Variants in NBAS observed in about 807,000 individuals in gnomAD.
NBAS encodes the protein NBAS subunit of NRZ tethering complex.
NBAS carries 219 observed loss-of-function variants against 302.5 expected under a neutral mutation model. The ratio of observed to expected loss-of-function variants is 0.72; its 90% confidence interval spans 0.65 to 0.81. The LOEUF (loss-of-function observed/expected upper bound fraction) is 0.81, where lower values mean the gene tolerates loss of function less well. Among genes scored for constraint, NBAS ranks in the 30% least tolerant of loss-of-function variants. NBAS has a pLI of 0.00. For synonymous variants in NBAS, 1,118 were observed against 1,021.6 expected (o/e 1.09, Z -1.80); for missense variants, 2,932 against 2,841.6 (o/e 1.03, Z -0.72).
At chr2:15,240,631 A>C (rs931712069) in intron 44 of NBAS, among the ~76,000 whole-genome samples, 5 of 151,778 alleles carry the variant, frequency 3.3e-5, no homozygotes, top group African/African-American at 7.3e-5. Flanking sequence ...AACAAACAAA[A>C]AAAATGCTGA....
At chr2:15,323,252 TACTTTCATCATGGTGAGGAG>T (rs1671905411) in intron 38 of NBAS, among the ~76,000 whole-genome samples, 1 of 152,194 alleles carries the variant, frequency 6.6e-6, no homozygotes, top group African/African-American at 2.4e-5. Context: ...AGACACACTG[TACTTTCATCATGGTGAGGAG>T]ACATTCATTG....
chr2:15,460,618 G>T (rs1679462945), intron 21 of NBAS, among the ~76,000 whole-genome samples: 1 of 152,192 alleles, frequency 6.6e-6, no homozygotes, highest in Non-Finnish European at 1.5e-5. Flanking sequence ...CTGGCCTCTG[G>T]AAGACTACCA....
chr2:15,424,306 T>C lies in NBAS; in HGVS notation c.2577+9A>G, dbSNP rs772279745. 1.2e-6 allele frequency: 2 copies of C among 1,613,894 alleles called. No individual in the cohort carries two copies. Among genetic ancestry groups the C allele is most frequent in the African/African-American group, 2.7e-5 (2 of 74,912 alleles). ...ACATTACTGAGCAGCAGCTGCCATT[T>C]CCCCTCACCTGCCGAGCATAATGCT... On this transcript the variant is annotated intron_variant, in intron 23 of 51. Coordinates refer to ENST00000281513, the MANE Select transcript of NBAS (RefSeq NM_015909.4).
At chr2:14,922,343 A>G in the NBAS span, among the ~76,000 whole-genome samples, 229 of 152,348 alleles carry the variant, frequency 1.5e-3, no homozygotes, top group African/African-American at 4.7e-3. Flanking sequence ...GTGGAGAGGA[A>G]GTCCTGTTGG....
chr2:15,485,850 G>A (rs1168377274), intron 12 of NBAS, among the ~76,000 whole-genome samples: 1 of 152,162 alleles, frequency 6.6e-6, no homozygotes, highest in Non-Finnish European at 1.5e-5. Context: ...TGATCAGACT[G>A]CAGGAGATGA....
the NBAS span, among the ~76,000 whole-genome samples, chr2:15,161,252 G>A: frequency 3.3e-5 from 5 of 152,118 alleles, no homozygotes; most frequent in Admixed American, 2.0e-4. Flanking sequence ...GTGGCTAACC[G>A]CTAAAGTCTA....
At chr2:15,477,353 C>G (rs1389598426) in intron 13 of NBAS, among the ~76,000 whole-genome samples, 1 of 152,070 alleles carries the variant, frequency 6.6e-6, no homozygotes, top group Non-Finnish European at 1.5e-5. Flanking sequence ...CCTCTGCCTC[C>G]CAGGCTAAAG....
the NBAS span, among the ~76,000 whole-genome samples, chr2:15,100,757 A>T: frequency 6.6e-6 from 1 of 152,188 alleles, no homozygotes; most frequent in Non-Finnish European, 1.5e-5. Context: ...TTGCTAAAGA[A>T]ATTCATGTAT....
chr2:15,368,325 G>A (rs549459519), intron 31 of NBAS, among the ~76,000 whole-genome samples: 15 of 147,822 alleles, frequency 1.0e-4, no homozygotes, highest in East Asian at 6.2e-4. Flanking sequence ...TCAGCCTCCC[G>A]AGTAGCTGGG....
the NBAS span, among the ~76,000 whole-genome samples, chr2:14,849,575 G>A: frequency 1.3e-5 from 2 of 149,838 alleles, no homozygotes; most frequent in Admixed American, 6.6e-5. Context: ...AGGAAATACA[G>A]AGAATGCCAC....
At chr2:14,981,392 G>C in the NBAS span, among the ~76,000 whole-genome samples, 1 of 152,224 alleles carries the variant, frequency 6.6e-6, no homozygotes, top group Non-Finnish European at 1.5e-5. Context: ...TGGAAGGCCA[G>C]ACTAAGTCTA....
chr2:15,327,632 T>C, intron 38 of NBAS, 118 bp downstream of exon 38: 5 of 1,201,414 alleles, frequency 4.2e-6, no homozygotes, highest in Non-Finnish European at 6.1e-6. Context: ...TGTCAAGTTA[T>C]GCAATTCAAA....
the NBAS span, among the ~76,000 whole-genome samples, chr2:14,925,727 C>T: frequency 2.0e-5 from 3 of 152,146 alleles, no homozygotes; most frequent in Non-Finnish European, 4.4e-5. Flanking sequence ...ATTCTTGCTA[C>T]GATTATCACA....
the NBAS span, among the ~76,000 whole-genome samples, chr2:14,893,637 C>T: frequency 6.6e-6 from 1 of 152,160 alleles, no homozygotes; most frequent in Non-Finnish European, 1.5e-5. Flanking sequence ...TGTATCACCT[C>T]GGTTCTCTTG....
the NBAS span, among the ~76,000 whole-genome samples, chr2:14,787,040 C>T: frequency 2.6e-5 from 4 of 152,160 alleles, no homozygotes; most frequent in African/African-American, 9.7e-5. Context: ...GGATAGTTAG[C>T]TCTTCTTGTT....
the NBAS span, among the ~76,000 whole-genome samples, chr2:14,966,479 G>T: frequency 3.9e-5 from 6 of 152,098 alleles, no homozygotes; most frequent in Admixed American, 1.3e-4. Context: ...CAGTCCCCCA[G>T]TACAGCTGCT....
At chr2:14,877,267 A>G in the NBAS span, among the ~76,000 whole-genome samples, 1 of 152,088 alleles carries the variant, frequency 6.6e-6, no homozygotes, top group South Asian at 2.1e-4. Context: ...AAAGGACATT[A>G]ATTCCCATAT....
At chr2:14,803,446 C>T in the NBAS span, among the ~76,000 whole-genome samples, 5,653 of 152,258 alleles carry the variant, frequency 0.037, 154 homozygotes, top group Non-Finnish European at 0.057. Context: ...TTCCTAGACT[C>T]CAAGCTCCTT....
the NBAS span, among the ~76,000 whole-genome samples, chr2:14,807,485 G>C: frequency 6.7e-6 from 1 of 149,650 alleles, no homozygotes; most frequent in African/African-American, 2.5e-5. Flanking sequence ...GTGTGTGTGT[G>C]TAACCGGGTG....
Sources: allele counts gnomAD v4.1 joint callset (sites outside exome capture counted in the v4.1 genomes callset), GRCh38; gene constraint gnomAD v4.1.1; transcripts MANE v1.5; gene names NCBI Gene and HGNC (gene_info 2026-07-23, HGNC 2026-07-21).